CCDC93: variants seen among roughly 807,000 people sequenced by gnomAD.
CCDC93 encodes coiled-coil domain-containing protein 93.
A neutral mutation model predicts 108.2 loss-of-function variants in CCDC93; 61 were observed. That is an observed-to-expected ratio of 0.56 (90% confidence interval 0.46 to 0.70). CCDC93 has a LOEUF of 0.70. Ranked by LOEUF, CCDC93 falls within the 30% of genes least tolerant of loss-of-function variation. CCDC93 has a pLI of 0.00. For missense variants in CCDC93, 685 were observed against 764.2 expected, an observed-to-expected ratio of 0.90 and a Z score of 1.22; for synonymous variants, 276 against 260.4, an observed-to-expected ratio of 1.06 and a Z score of -0.58.
intron 3 of CCDC93, among the ~76,000 whole-genome samples, chr2:118,003,290 T>C (rs1676764297): frequency 6.6e-6 from 1 of 152,206 alleles, no homozygotes; most frequent in African/African-American, 2.4e-5. Context: ...CTGTTAAGCT[T>C]TTTTTAAAAT....
In CCDC93 at chr2:117,915,797, TAC is replaced by T. The variant is rs1677664035; in HGVS notation, c.*4544_*4545del. On this transcript the variant is annotated 3_prime_UTR_variant, in exon 24 of 24. Coordinates refer to ENST00000376300, the MANE Select transcript of CCDC93 (RefSeq NM_019044.5). The stretch of plus-strand genomic sequence containing the variant: ...GAAAACATATGCACACACATACATC[TAC>T]ACACTTTCTCCATTCCAAACATTAG... 3 of 152,232 alleles carry T rather than the reference TAC, an allele frequency of 2.0e-5. No homozygotes were observed. The highest frequency in any genetic ancestry group is 2.0e-4 in the Admixed American group (3 of 15,284). 9.4% of individuals were successfully genotyped at this position (152,232 alleles called of 1,614,324 possible). A position where few individuals can be genotyped will look rare whatever the true frequency, so the allele number is the denominator to read the frequency against.
chr2:117,928,259 G>A (rs913954792), intron 23 of CCDC93, among the ~76,000 whole-genome samples: 12 of 152,236 alleles, frequency 7.9e-5, no homozygotes, highest in South Asian at 2.1e-4. Context: ...AAATTGACAA[G>A]TGGGATCTCA....
At chr2:118,000,634 A>G (rs1559504) in intron 4 of CCDC93, 187 bp downstream of exon 4, 533,473 of 539,022 alleles carry the variant, frequency 0.99, 264,228 homozygotes, top group East Asian at 1. Flanking sequence ...ATGAAACTAG[A>G]GTATATGCAG....
At chr2:117,931,228 AGTT>A (rs1317985419) in intron 22 of CCDC93, 78 bp from the exon 23 acceptor site, 3 of 860,230 alleles carry the variant, frequency 3.5e-6, no homozygotes, top group East Asian at 4.9e-5. Context: ...AAAAGGCAAC[AGTT>A]GTTAACAGTT....
intron 23 of CCDC93, among the ~76,000 whole-genome samples, chr2:117,926,296 T>TA (rs1678092279): frequency 6.6e-6 from 1 of 150,982 alleles, no homozygotes; most frequent in Non-Finnish European, 1.5e-5. Context: ...AATAGAGACA[T>TA]AAAAAACCCT....
At chr2:117,944,428 G>C (rs1465015542) in intron 17 of CCDC93, among the ~76,000 whole-genome samples, 1 of 151,914 alleles carries the variant, frequency 6.6e-6, no homozygotes. Flanking sequence ...GCCTGTGTTT[G>C]GAGATGATGC....
intron 22 of CCDC93, 43 bp from the exon 23 acceptor site, chr2:117,931,193 T>A: frequency 7.2e-7 from 1 of 1,397,256 alleles, no homozygotes; most frequent in Non-Finnish European, 1.0e-6. Flanking sequence ...AGACATGTTC[T>A]GCCCAAGGGC....
At chr2:117,996,189 G>T in intron 5 of CCDC93, 75 bp downstream of exon 5, 2 of 979,420 alleles carry the variant, frequency 2.0e-6, no homozygotes, top group Non-Finnish European at 1.6e-6. Context: ...AGCTTACTCT[G>T]CTCCTTGCTA....
At chr2:117,996,519 C>A (rs1352426169) in intron 4 of CCDC93, 157 bp from the exon 5 acceptor site, 3 of 558,582 alleles carry the variant, frequency 5.4e-6, no homozygotes, top group Non-Finnish European at 6.5e-6. Context: ...ATAGGAAAAG[C>A]AACCAGCTGG....
intron 10 of CCDC93, 47 bp from the exon 11 acceptor site, chr2:117,974,041 C>CAT (rs1679853888): frequency 8.0e-7 from 1 of 1,242,586 alleles, no homozygotes; most frequent in Non-Finnish European, 1.2e-6. Flanking sequence ...CCTTGTCTTC[C>CAT]ATAGCACTGG....
chr2:117,979,980 A>G (rs1177233401), intron 7 of CCDC93, among the ~76,000 whole-genome samples: 1 of 152,194 alleles, frequency 6.6e-6, no homozygotes, highest in East Asian at 1.9e-4. Flanking sequence ...GTTGGTGTGG[A>G]TCACAGTAGA....
chr2:118,013,535 C>T (rs1292248300), intron 1 of CCDC93, among the ~76,000 whole-genome samples: 3 of 152,238 alleles, frequency 2.0e-5, no homozygotes, highest in Non-Finnish European at 4.4e-5. Context: ...ACCACCCGAG[C>T]CCGAACCGCC....
At chr2:117,982,761 G>C (rs944615319) in intron 7 of CCDC93, among the ~76,000 whole-genome samples, 2 of 151,504 alleles carry the variant, frequency 1.3e-5, no homozygotes, top group East Asian at 1.9e-4. Context: ...GTAGTGGGGG[G>C]GGGGGTGCGT....
At chr2:117,964,962 T>C (rs960413424) in intron 11 of CCDC93, among the ~76,000 whole-genome samples, 1 of 152,166 alleles carries the variant, frequency 6.6e-6, no homozygotes, top group Non-Finnish European at 1.5e-5. Context: ...TGATCCATTA[T>C]CTTCTACTGA....
chr2:117,985,709 T>G (rs1267840045), intron 7 of CCDC93, among the ~76,000 whole-genome samples: 1 of 152,036 alleles, frequency 6.6e-6, no homozygotes, highest in Non-Finnish European at 1.5e-5. Flanking sequence ...CAGGACAGAG[T>G]ACCTCAGCCT....
intron 21 of CCDC93, 83 bp downstream of exon 21, chr2:117,936,619 C>A: frequency 5.6e-6 from 6 of 1,078,578 alleles, no homozygotes; most frequent in Non-Finnish European, 8.7e-6. Flanking sequence ...CTTTGTCAAG[C>A]ACATTATAGC....
rs1332130127 is a variant in CCDC93, at chr2:117,941,364, C to G, written c.1414-67G>C. The G allele has an allele frequency of 8.7e-6, 11 of 1,270,678 alleles. No homozygotes were observed. In the East Asian group the frequency reaches 2.3e-4, roughly 27 times the overall value. 78.7% of individuals were successfully genotyped at this position (1,270,678 alleles called of 1,614,324 possible). ...AGGCCTTACATGTTCTCTAGGGAGCCAAAATATTGCCTGCACCCCGACCTG... is the reference window on the plus strand; with the variant it reads ...AGGCCTTACATGTTCTCTAGGGAGCGAAAATATTGCCTGCACCCCGACCTG... On this transcript the variant is annotated intron_variant, in intron 18 of 23. Transcript: ENST00000376300.
chr2:117,966,286 C>A (rs768297895), intron 11 of CCDC93, among the ~76,000 whole-genome samples: 16 of 152,188 alleles, frequency 1.1e-4, no homozygotes, highest in Non-Finnish European at 2.2e-4. Flanking sequence ...AGAGGACAGT[C>A]CTTCCTTAGG....
chr2:117,938,341 T>C (rs190398083), intron 20 of CCDC93, among the ~76,000 whole-genome samples: 1 of 152,220 alleles, frequency 6.6e-6, no homozygotes, highest in African/African-American at 2.4e-5. Context: ...ATCTGCATAC[T>C]GTGCTCCAAC....
Sources: allele counts gnomAD v4.1 joint callset (sites outside exome capture counted in the v4.1 genomes callset), GRCh38; gene constraint gnomAD v4.1.1; transcripts MANE v1.5; gene names NCBI Gene and HGNC (gene_info 2026-07-23, HGNC 2026-07-21).